MITF: variants seen among roughly 807,000 people sequenced by gnomAD.
MITF encodes the protein microphthalmia-associated transcription factor.
In MITF, 17 loss-of-function variants were observed where a neutral mutation model predicts 60.5. That is an observed-to-expected ratio of 0.28 (90% CI 0.19 to 0.42). MITF has a LOEUF of 0.42. Ranked by LOEUF, MITF falls within the 10% of genes least tolerant of loss-of-function variation. The pLI is 1.00. For missense variants in MITF, 622 were observed against 683.5 expected (o/e 0.91, Z 1.00); for synonymous variants, 260 against 248.5 (o/e 1.05, Z -0.43).
chr3:69,825,453 T>C (rs2063339089), intron 1 of MITF, among the ~76,000 whole-genome samples: 1 of 152,196 alleles, frequency 6.6e-6, no homozygotes, highest in East Asian at 1.9e-4. Flanking sequence ...TGTGGGAACT[T>C]CAGGTTCAGG....
At chr3:69,757,779 T>A (rs2062148103) in intron 1 of MITF, among the ~76,000 whole-genome samples, 1 of 151,978 alleles carries the variant, frequency 6.6e-6, no homozygotes, top group South Asian at 2.1e-4. Context: ...ATGTGTAGGA[T>A]CTTCGGGCAA....
chr3:69,922,281 G>A (rs2065484891), intron 2 of MITF, among the ~76,000 whole-genome samples: 1 of 152,106 alleles, frequency 6.6e-6, no homozygotes, highest in Non-Finnish European at 1.5e-5. Flanking sequence ...GAGTGCGGTG[G>A]CACAATCTCA....
chr3:69,857,468 T>C (rs187228742), intron 1 of MITF, among the ~76,000 whole-genome samples: 161 of 152,128 alleles, frequency 1.1e-3, no homozygotes, highest in African/African-American at 3.6e-3. Flanking sequence ...CAATTCTCCA[T>C]GTCTCTTCTC....
chr3:69,857,538 A>G (rs1223634041), intron 1 of MITF, among the ~76,000 whole-genome samples: 3 of 150,710 alleles, frequency 2.0e-5, no homozygotes, highest in Non-Finnish European at 4.4e-5. Flanking sequence ...TTTTTTTTCA[A>G]ATTTTCATGT....
At chr3:69,888,015 C>G (rs2064664043) in intron 2 of MITF, among the ~76,000 whole-genome samples, 1 of 151,994 alleles carries the variant, frequency 6.6e-6, no homozygotes, top group African/African-American at 2.4e-5. Context: ...CCTGCAAATT[C>G]AAAGTGAGCA....
chr3:69,923,608 C>T (rs2107439045), intron 2 of MITF, among the ~76,000 whole-genome samples: 1 of 152,344 alleles, frequency 6.6e-6, no homozygotes, highest in East Asian at 1.9e-4. Flanking sequence ...AGGCATGAGT[C>T]ACCACACCTA....
chr3:69,879,635 G>A (rs746288244), intron 2 of MITF, among the ~76,000 whole-genome samples: 1 of 152,220 alleles, frequency 6.6e-6, no homozygotes, highest in African/African-American at 2.4e-5. Flanking sequence ...AGGAATACAT[G>A]TTTGTTGTGA....
chr3:69,823,835 A>T (rs1232701257), intron 1 of MITF, among the ~76,000 whole-genome samples: 1 of 152,212 alleles, frequency 6.6e-6, no homozygotes, highest in Non-Finnish European at 1.5e-5. Flanking sequence ...TCTCCTAAGC[A>T]TACTGAGTGG....
chr3:69,952,002 C>G, intron 7 of MITF, 116 bp downstream of exon 7: 1 of 774,418 alleles, frequency 1.3e-6, no homozygotes, highest in Non-Finnish European at 2.2e-6. Flanking sequence ...AAAATTCTCT[C>G]TTATGGAAGA....
chr3:69,942,521 CAT>C (rs980398050), intron 5 of MITF, among the ~76,000 whole-genome samples: 12 of 151,976 alleles, frequency 7.9e-5, no homozygotes, highest in Admixed American at 7.9e-4. Context: ...TCCTTGAACT[CAT>C]GTGGGGTGAG....
chr3:69,968,246 G>A lies in MITF; in HGVS notation c.*2998G>A, dbSNP rs920413183. 8.6e-6 allele frequency: 2 copies of A among 232,130 alleles called. No individual in the cohort carries two copies. Among genetic ancestry groups the A allele is most frequent in the African/African-American group, 4.4e-5 (2 of 45,250 alleles). The allele number at this position is 232,130 out of a possible 1,614,324, so 14.4% of individuals were successfully genotyped here. ...AGCAATAATTTCTGTATGGTCCATA[G>A]CACTGTATATTATGGATCGATATTA... On this transcript the variant is annotated 3_prime_UTR_variant, in exon 10 of 10. Coordinates refer to ENST00000352241, the MANE Select transcript of MITF (RefSeq NM_001354604.2).
intron 8 of MITF, among the ~76,000 whole-genome samples, chr3:69,957,299 A>T (rs1392970794): frequency 1.3e-5 from 2 of 152,236 alleles, no homozygotes; most frequent in East Asian, 1.9e-4. Context: ...CCCCACAGGC[A>T]TTCTGTGAAA....
At chr3:69,950,724 T>C (rs1170807579) in intron 6 of MITF, among the ~76,000 whole-genome samples, 2 of 151,866 alleles carry the variant, frequency 1.3e-5, no homozygotes, top group African/African-American at 4.8e-5. Context: ...GTGTAATGCT[T>C]CAGCTATCAC....
chr3:69,863,294 G>T (rs1042033301), intron 1 of MITF, among the ~76,000 whole-genome samples: 1 of 152,134 alleles, frequency 6.6e-6, no homozygotes, highest in Non-Finnish European at 1.5e-5. Flanking sequence ...GTATATGGTG[G>T]CCTGTGTTCA....
intron 2 of MITF, among the ~76,000 whole-genome samples, chr3:69,918,801 C>T (rs568472880): frequency 6.4e-4 from 97 of 152,292 alleles, no homozygotes; most frequent in African/African-American, 2.2e-3. Flanking sequence ...ACCTTCCTCT[C>T]TTATTTTCTT....
intron 1 of MITF, among the ~76,000 whole-genome samples, chr3:69,835,915 T>G (rs1391213571): frequency 6.6e-6 from 1 of 152,128 alleles, no homozygotes; most frequent in Non-Finnish European, 1.5e-5. Flanking sequence ...AGTGTGATGC[T>G]TCTTTCTTCT....
intron 1 of MITF, among the ~76,000 whole-genome samples, chr3:69,867,763 G>A (rs1481032461): frequency 4.6e-5 from 7 of 152,078 alleles, no homozygotes; most frequent in Non-Finnish European, 1.0e-4. Context: ...CTGATTCTAC[G>A]TAAGAATGGT....
At chr3:69,751,567 T>TCG (rs1395353894) in intron 1 of MITF, among the ~76,000 whole-genome samples, 14 of 151,868 alleles carry the variant, frequency 9.2e-5, no homozygotes, top group Non-Finnish European at 1.3e-4. Flanking sequence ...TTTTTTTTTT[T>TCG]TTTTTGGCAT....
chr3:69,857,406 G>T (rs537690462), intron 1 of MITF, among the ~76,000 whole-genome samples: 1 of 151,996 alleles, frequency 6.6e-6, no homozygotes, highest in African/African-American at 2.4e-5. Context: ...AATAAACATG[G>T]GGTATGATAT....
Sources: gnomAD v4.1 joint callset for allele counts (sites outside exome capture counted in the v4.1 genomes callset) on GRCh38, gnomAD v4.1.1 for gene constraint, MANE v1.5 for transcripts, NCBI Gene and HGNC (gene_info 2026-07-23, HGNC 2026-07-21) for gene names.